Variants in TMEM131 observed in about 807,000 individuals in gnomAD.
The protein encoded by TMEM131 is 2610524E03Rik.
TMEM131 carries 66 observed loss-of-function variants against 211.6 expected under a neutral mutation model. The observed-to-expected ratio is 0.31, with a 90% CI of 0.26 to 0.38. The LOEUF is 0.38. TMEM131 is among the 10% of genes least tolerant of loss of function. The probability of loss-of-function intolerance (pLI) is 1.00; values close to 1 mark genes in which losing one functional copy is unlikely to be tolerated. For synonymous variants in TMEM131, 844 were observed against 841.3 expected, an observed-to-expected ratio of 1.00 and a Z score of -0.06; for missense variants, 2,036 against 2,299.3, an observed-to-expected ratio of 0.89 and a Z score of 2.34.
intron 5 of TMEM131, among the ~76,000 whole-genome samples, chr2:97,844,684 C>G (rs1683343987): frequency 6.6e-6 from 1 of 152,076 alleles, no homozygotes; most frequent in Non-Finnish European, 1.5e-5. Context: ...TGCCTTCCAT[C>G]CACACAAGGA....
intron 3 of TMEM131, among the ~76,000 whole-genome samples, chr2:97,897,452 AT>A (rs1454128220): frequency 6.6e-6 from 1 of 152,090 alleles, no homozygotes; most frequent in Non-Finnish European, 1.5e-5. Flanking sequence ...ATTCTTCTCT[AT>A]TCTTAATGTG....
At chr2:97,816,052 T>C (rs1165415252) in intron 12 of TMEM131, among the ~76,000 whole-genome samples, 1 of 152,176 alleles carries the variant, frequency 6.6e-6, no homozygotes, top group African/African-American at 2.4e-5. Context: ...CAGTTTTGAA[T>C]AATCCTGGCT....
chr2:97,789,167 C>T (rs373467080), intron 31 of TMEM131, among the ~76,000 whole-genome samples: 8 of 152,328 alleles, frequency 5.3e-5, no homozygotes, highest in East Asian at 3.9e-4. Flanking sequence ...GTCCAGGCTC[C>T]GCGAGCACTC....
At chr2:97,831,947 G>A (rs1353227778) in intron 11 of TMEM131, among the ~76,000 whole-genome samples, 6 of 134,800 alleles carry the variant, frequency 4.5e-5, no homozygotes, top group South Asian at 2.3e-4. Flanking sequence ...GATTACAGGC[G>A]TGAGGCCACC....
Position 97,756,592 on chromosome 2 carries a change from G to A in TMEM131, c.*507C>T, listed in dbSNP as rs778848144. Reference sequence around the variant, plus strand: ...TGTAATCTGCTTTTAAACCAAGACAGCCTTACTTTAAAAAAATACTCTATT... The same window carrying A: ...TGTAATCTGCTTTTAAACCAAGACAACCTTACTTTAAAAAAATACTCTATT... On this transcript the variant is annotated 3_prime_UTR_variant, in exon 41 of 41. Transcript: ENST00000186436. 2.6e-5 allele frequency: 4 copies of A among 152,260 alleles called. No homozygotes were observed. The highest frequency in any genetic ancestry group is 5.9e-5 in the Non-Finnish European group (4 of 68,132). 9.4% of individuals were successfully genotyped at this position (152,260 alleles called of 1,614,324 possible).
chr2:97,995,497 C>T lies in TMEM131; in HGVS notation c.166G>A (p.Ala56Thr). The change falls in exon 1 of 41, where the codon GCG becomes ACG. Residue 56 changes from alanine (A) to threonine (T), a missense_variant. By Grantham distance (58) the Ala-to-Thr change is moderately conservative. Transcript: ENST00000186436. ...CCACCTTCCTTCTCGGCCCGCGCCG[C>T]AGCCACTACGAGGGTCATCACCAGG... Reference protein sequence around the residue: ...LHLVMTLVVAAARAEKEAFVQ... With the variant: ...LHLVMTLVVATARAEKEAFVQ... The T allele has an allele frequency of 7.1e-7, 1 of 1,411,434 alleles. No individual in the cohort carries two copies. Among genetic ancestry groups the T allele is most frequent in the Non-Finnish European group, 9.3e-7 (1 of 1,077,234 alleles). The allele number at this position is 1,411,434 out of a possible 1,614,324, so 87.4% of individuals were successfully genotyped here. A position where few individuals can be genotyped will look rare whatever the true frequency, so the allele number is the denominator to read the frequency against.
chr2:97,760,640 G>A lies in TMEM131; in HGVS notation c.5061C>T (p.Ser1687=). ...KVSSNKTGFS[S]SLGISHAPVD... ...CAGGAGCGTGTGAAATGCCAAGGCT[G>A]CTGGAGAAACCTGTTTTGTTTGAAG... Residue 1687 remains serine, a synonymous_variant, in exon 38 of 41, where the codon AGC becomes AGT. Coordinates refer to ENST00000186436, the MANE Select transcript of TMEM131 (RefSeq NM_015348.2). 6.2e-7 allele frequency: 1 copy of A among 1,613,492 alleles called. No homozygotes were observed. The highest frequency in any genetic ancestry group is 8.5e-7 in the Non-Finnish European group (1 of 1,179,672).
Position 97,818,109 on chromosome 2 carries a change from C to A in TMEM131, c.1183+504G>T, listed in dbSNP as rs74411752. On this transcript the variant is annotated intron_variant, in intron 12 of 40. Transcript: ENST00000186436. Reference sequence around the variant, plus strand: ...CTCAAGTATCAAAATGTATACTATACACATTAGAAATAATAGCTAACTGGA... The same window carrying A: ...CTCAAGTATCAAAATGTATACTATAAACATTAGAAATAATAGCTAACTGGA... Among the ~76,000 whole-genome samples the A allele has an allele frequency of 3.4e-3, 522 of 152,278 alleles. 6 individuals are homozygous for A. In the East Asian group the frequency reaches 0.041, roughly 12 times the overall value.
intron 2 of TMEM131, among the ~76,000 whole-genome samples, chr2:97,920,063 C>G (rs972755368): frequency 6.6e-6 from 1 of 152,198 alleles, no homozygotes; most frequent in African/African-American, 2.4e-5. Flanking sequence ...AGCAGGTATA[C>G]TAGGGCCTGG....
chr2:97,841,328 T>A (rs546738915), intron 7 of TMEM131, among the ~76,000 whole-genome samples: 1 of 152,222 alleles, frequency 6.6e-6, no homozygotes, highest in Non-Finnish European at 1.5e-5. Flanking sequence ...GTAAGATAAG[T>A]TGAATTTTTT....
intron 5 of TMEM131, among the ~76,000 whole-genome samples, chr2:97,853,691 C>G (rs1400349878): frequency 2.0e-5 from 3 of 151,924 alleles, no homozygotes; most frequent in African/African-American, 7.3e-5. Context: ...AAGTTAATCC[C>G]AACCCTTATG....
intron 3 of TMEM131, among the ~76,000 whole-genome samples, chr2:97,890,497 G>T (rs1018844308): frequency 1.3e-5 from 2 of 152,196 alleles, no homozygotes; most frequent in Non-Finnish European, 1.5e-5. Flanking sequence ...GAGTGGGTTG[G>T]AAGTGGGAAG....
At chr2:97,982,524 TTATC>T (rs1408893707) in intron 1 of TMEM131, among the ~76,000 whole-genome samples, 5 of 152,230 alleles carry the variant, frequency 3.3e-5, no homozygotes, top group East Asian at 3.8e-4. Flanking sequence ...GATGTCTACT[TTATC>T]TATTTTCTCC....
intron 1 of TMEM131, among the ~76,000 whole-genome samples, chr2:97,960,805 C>T (rs151167101): frequency 6.6e-6 from 1 of 151,966 alleles, no homozygotes; most frequent in African/African-American, 2.4e-5. Flanking sequence ...TTGAGTCCAG[C>T]AATATGTAAA....
intron 25 of TMEM131, among the ~76,000 whole-genome samples, chr2:97,800,094 C>T (rs947450344): frequency 6.6e-6 from 1 of 152,060 alleles, no homozygotes; most frequent in South Asian, 2.1e-4. Context: ...CTTCCATGCC[C>T]GGCCTCAGTT....
At chr2:97,945,771 T>C (rs1223874887) in intron 1 of TMEM131, among the ~76,000 whole-genome samples, 2 of 152,142 alleles carry the variant, frequency 1.3e-5, no homozygotes, top group Non-Finnish European at 2.9e-5. Context: ...TTCTGAAAGT[T>C]TGAATATATG....
chr2:97,796,138 T>C, intron 28 of TMEM131, 80 bp downstream of exon 28: 1 of 825,334 alleles, frequency 1.2e-6, no homozygotes, highest in Non-Finnish European at 1.8e-6. Flanking sequence ...ATAAAGACCT[T>C]TGGTAAATAT....
At chr2:97,832,351 G>A (rs1211801072) in intron 11 of TMEM131, among the ~76,000 whole-genome samples, 1 of 152,178 alleles carries the variant, frequency 6.6e-6, no homozygotes, top group Non-Finnish European at 1.5e-5. Flanking sequence ...AAGTTAGGCT[G>A]GTTTGCTTGG....
At chr2:97,906,143 A>C (rs941013520) in intron 3 of TMEM131, among the ~76,000 whole-genome samples, 1 of 152,140 alleles carries the variant, frequency 6.6e-6, no homozygotes, top group Non-Finnish European at 1.5e-5. Context: ...ATCAGCATCA[A>C]AACAGTCTGC....
Sources: gnomAD v4.1 joint callset for allele counts (sites outside exome capture counted in the v4.1 genomes callset) on GRCh38, gnomAD v4.1.1 for gene constraint, MANE v1.5 for transcripts, NCBI Gene and HGNC (gene_info 2026-07-23, HGNC 2026-07-21) for gene names.